The following ITGAV variants were observed in gnomAD, a reference collection of about 807,000 sequenced individuals.
The protein encoded by ITGAV is integrin alpha-V.
Under a neutral mutation model 143.8 loss-of-function variants are expected in ITGAV, and 76 were observed. The observed-to-expected ratio is 0.53, with a 90% CI of 0.44 to 0.64. The LOEUF is 0.64. Among genes scored for constraint, ITGAV ranks in the 30% least tolerant of loss-of-function variants. The pLI, the probability that ITGAV is intolerant of heterozygous loss-of-function variation, is 0.00. For synonymous variants in ITGAV, 453 were observed against 446.7 expected, an observed-to-expected ratio of 1.01 and a Z score of -0.18; for missense variants, 1,193 against 1,274.7, an observed-to-expected ratio of 0.94 and a Z score of 0.98.
intron 16 of ITGAV, among the ~76,000 whole-genome samples, chr2:186,655,098 T>G (rs1435509120): frequency 6.6e-6 from 1 of 152,076 alleles, no homozygotes; most frequent in Non-Finnish European, 1.5e-5. Context: ...GTAGAGGTGG[T>G]TTAGAAATAG....
Position 186,590,365 on chromosome 2 carries a change from G to C in ITGAV, c.27G>C (p.Leu9=), listed in dbSNP as rs1293914777. 6.3e-7 allele frequency: 1 copy of C among 1,588,890 alleles called. No individual in the cohort carries two copies. Among genetic ancestry groups the C allele is most frequent in the South Asian group, 1.1e-5 (1 of 88,920 alleles). The change falls in exon 1 of 30, where the codon CTG becomes CTC. Residue 9 remains leucine (L), a synonymous_variant. Transcript: ENST00000261023. ...TGGCTTTTCCGCCGCGGCGACGGCT[G>C]CGCCTCGGTCCCCGCGGCCTCCCGC... The part of the protein sequence containing the change: MAFPPRRR[L]RLGPRGLPLL...
chr2:186,612,752 C>G (rs572636978), intron 2 of ITGAV, among the ~76,000 whole-genome samples: 1 of 152,240 alleles, frequency 6.6e-6, no homozygotes, highest in African/African-American at 2.4e-5. Flanking sequence ...TTACTTCCTC[C>G]TATTGATGAA....
At chr2:186,667,886 A>G (rs1045571499) in intron 24 of ITGAV, 110 bp downstream of exon 24, 4 of 520,570 alleles carry the variant, frequency 7.7e-6, no homozygotes, top group African/African-American at 1.9e-5. Flanking sequence ...TAAACTCTAC[A>G]TTGGTTAAGT....
chr2:186,637,598 A>G (rs987988469), intron 8 of ITGAV, among the ~76,000 whole-genome samples: 1 of 152,166 alleles, frequency 6.6e-6, no homozygotes, highest in Non-Finnish European at 1.5e-5. Context: ...AGTCCAGGCT[A>G]GGTCTGTGCT....
chr2:186,600,312 TC>T, intron 1 of ITGAV: 3 of 864,940 alleles, frequency 3.5e-6, no homozygotes, highest in Non-Finnish European at 5.3e-6. Flanking sequence ...CACCCCCCAC[TC>T]CCCTCCATCC....
Position 186,652,006 on chromosome 2 carries a change from T to C in ITGAV, c.1422T>C (p.Asn474=), listed in dbSNP as rs1429516543. The C allele has an allele frequency of 2.5e-6, 4 of 1,612,216 alleles. No individual in the cohort carries two copies. Among genetic ancestry groups the C allele is most frequent in the Non-Finnish European group, 3.4e-6 (4 of 1,178,520 alleles). Residue 474 remains asparagine, a synonymous_variant, in exon 15 of 30, where the codon AAT becomes AAC. Coordinates refer to ENST00000261023, the MANE Select transcript of ITGAV (RefSeq NM_002210.5). ...LYRARPVITV[N]AGLEVYPSIL... ...GGGCCAGACCAGTTATCACTGTAAA[T>C]GCTGGTCTTGAAGTGTACCCTAGCA...
Position 186,678,818 on chromosome 2 carries a change from T to A in ITGAV, c.*1526T>A, listed in dbSNP as rs1309615209. 2.3e-6 allele frequency: 1 copy of A among 427,202 alleles called. No individual in the cohort carries two copies. Among genetic ancestry groups the A allele is most frequent in the Non-Finnish European group, 4.6e-6 (1 of 216,452 alleles). The allele number at this position is 427,202 out of a possible 1,614,324, so 26.5% of individuals were successfully genotyped here. A position where few individuals can be genotyped will look rare whatever the true frequency, so the allele number is the denominator to read the frequency against. ...GTCCTCATTAGGTAATGATAAATATTTCCCTTAAATAATTGACTATTTTGC... is the reference window on the plus strand; with the variant it reads ...GTCCTCATTAGGTAATGATAAATATATCCCTTAAATAATTGACTATTTTGC... On this transcript the variant is annotated 3_prime_UTR_variant, in exon 30 of 30. Transcript: ENST00000261023.
intron 1 of ITGAV, among the ~76,000 whole-genome samples, chr2:186,592,480 A>C (rs1262863340): frequency 6.6e-6 from 1 of 152,116 alleles, no homozygotes; most frequent in Non-Finnish European, 1.5e-5. Flanking sequence ...CAACAAAATA[A>C]AGTTGATGGC....
intron 15 of ITGAV, 33 bp from the exon 16 acceptor site, chr2:186,654,617 T>C (rs1023786587): frequency 8.7e-7 from 1 of 1,151,476 alleles, no homozygotes; most frequent in South Asian, 1.3e-5. Flanking sequence ...AACTGAATTA[T>C]AGAATTTATG....
chr2:186,675,383 A>G (rs1689178767), intron 26 of ITGAV, among the ~76,000 whole-genome samples: 1 of 152,228 alleles, frequency 6.6e-6, no homozygotes, highest in Admixed American at 6.5e-5. Flanking sequence ...TTTACAAGGA[A>G]CTACATGTGT....
chr2:186,664,778 CTTACAT>C, intron 20 of ITGAV, 137 bp downstream of exon 20: 3 of 1,045,238 alleles, frequency 2.9e-6, no homozygotes, highest in Non-Finnish European at 4.2e-6. Flanking sequence ...GAGTGCCTAT[CTTACAT>C]AATTCCTTTT....
intron 1 of ITGAV, among the ~76,000 whole-genome samples, chr2:186,598,804 G>A (rs907412345): frequency 5.9e-5 from 9 of 152,166 alleles, no homozygotes; most frequent in Admixed American, 3.3e-4. Context: ...TTGCCGTGAT[G>A]GGAGAGAGCC....
chr2:186,665,789 T>G (rs1040849004), intron 21 of ITGAV, among the ~76,000 whole-genome samples: 1 of 152,246 alleles, frequency 6.6e-6, no homozygotes, highest in Non-Finnish European at 1.5e-5. Flanking sequence ...TGTGACTTTT[T>G]CAATAGAATT....
At position 186,664,648 on chromosome 2, in the gene ITGAV, A is replaced by AG. The variant is rs949421563; in HGVS notation, c.2073+9dup. On this transcript the variant is annotated splice_region_variant and intron_variant, in intron 20 of 29. Coordinates refer to ENST00000261023, the MANE Select transcript of ITGAV (RefSeq NM_002210.5). Reference sequence around the variant, plus strand: ...GGTTGTCCGAAACAATGAAGTAAGCAGGCTGCCTCTTTAAAAATTGAAATG... The same window carrying AG: ...GGTTGTCCGAAACAATGAAGTAAGCAGGGCTGCCTCTTTAAAAATTGAAATG... 6.2e-7 allele frequency: 1 copy of AG among 1,613,954 alleles called. No individual in the cohort carries two copies. Among genetic ancestry groups the AG allele is most frequent in the South Asian group, 1.1e-5 (1 of 91,076 alleles).
chr2:186,665,821 T>G (rs1183301226), intron 21 of ITGAV, among the ~76,000 whole-genome samples: 1 of 152,254 alleles, frequency 6.6e-6, no homozygotes, highest in Non-Finnish European at 1.5e-5. Flanking sequence ...TTATTGATAC[T>G]GGTACTTTGA....
Position 186,625,582 on chromosome 2 carries a change from G to T in ITGAV, c.518G>T (p.Arg173Ile), listed in dbSNP as rs370978233. 1 of 1,605,940 alleles carries T rather than the reference G, an allele frequency of 6.2e-7. No homozygotes were observed. Among genetic ancestry groups the T allele is most frequent in the Admixed American group, 1.7e-5 (1 of 59,886 alleles). The stretch of plus-strand genomic sequence containing the variant: ...AAGACTGTTGAGTATGCTCCATGTA[G>T]ATCACGTATGTATAGGATATTGTAC... Reference protein sequence around the residue: ...GTKTVEYAPCRSQDIDADGQG... With the variant: ...GTKTVEYAPCISQDIDADGQG... Residue 173 changes from arginine to isoleucine, a missense_variant, in exon 4 of 30, where the codon AGA becomes ATA. By Grantham distance (97) the Arg-to-Ile change is moderately conservative (BLOSUM62 -3). Transcript: ENST00000261023.
At chr2:186,645,129 G>T (rs892533957) in intron 12 of ITGAV, among the ~76,000 whole-genome samples, 26 of 152,162 alleles carry the variant, frequency 1.7e-4, no homozygotes, top group Admixed American at 1.3e-4. Flanking sequence ...GGGAAATCCA[G>T]ATAGTGATAA....
intron 1 of ITGAV, among the ~76,000 whole-genome samples, chr2:186,593,269 A>G (rs933543506): frequency 1.3e-5 from 2 of 152,174 alleles, no homozygotes; most frequent in Non-Finnish European, 2.9e-5. Flanking sequence ...GAAAATTATT[A>G]TTGAATTATC....
rs1689194692 is a variant in ITGAV, at chr2:186,675,886, T to A, written c.2887T>A (p.Tyr963Asn). The A allele has an allele frequency of 6.2e-7, 1 of 1,607,550 alleles. No individual in the cohort carries two copies. The highest frequency in any genetic ancestry group is 8.5e-7 in the Non-Finnish European group (1 of 1,174,576). Residue 963 changes from tyrosine (Y) to asparagine (N), a missense_variant, in exon 28 of 30, where the codon TAT (tyrosine) becomes AAT (asparagine). Physicochemically the swap from Tyr to Asn is moderately radical, Grantham distance 143. Transcript: ENST00000261023. ...TTCATTTAATGTCATAGAGTTTCCT[T>A]ATAAGAATCTTCCAATTGAGGATAT... The part of the protein sequence containing the change: ...SASFNVIEFP[Y>N]KNLPIEDITN...
Sources: gnomAD v4.1 joint callset for allele counts (sites outside exome capture counted in the v4.1 genomes callset) on GRCh38, gnomAD v4.1.1 for gene constraint, MANE v1.5 for transcripts, NCBI Gene and HGNC (gene_info 2026-07-23, HGNC 2026-07-21) for gene names.